GK5: variants seen among roughly 807,000 people sequenced by gnomAD.
The protein encoded by GK5 is glycerol kinase 5.
Under a neutral mutation model 77.3 loss-of-function variants are expected in GK5, and 39 were observed. That is an observed-to-expected ratio of 0.50 (90% CI 0.39 to 0.66). GK5 has a LOEUF of 0.66. Ranked by LOEUF, GK5 falls within the 30% of genes least tolerant of loss-of-function variation. GK5 has a pLI of 0.00. For missense variants in GK5, 487 were observed against 633.8 expected, an observed-to-expected ratio of 0.77 and a Z score of 2.49; for synonymous variants, 211 against 208.0, an observed-to-expected ratio of 1.01 and a Z score of -0.13.
chr3:142,190,261 AG>A (rs1450576741), intron 5 of GK5, among the ~76,000 whole-genome samples: 2 of 152,200 alleles, frequency 1.3e-5, no homozygotes, highest in African/African-American at 2.4e-5. Flanking sequence ...TTAGATATAC[AG>A]GGGATTCAGT....
In GK5 at chr3:142,186,472, C is replaced by T; in HGVS notation, c.661G>A (p.Gly221Arg). The T allele has an allele frequency of 6.4e-7, 1 of 1,555,740 alleles. No individual in the cohort carries two copies. Among genetic ancestry groups the T allele is most frequent in the South Asian group, 1.2e-5 (1 of 81,302 alleles). The part of the protein sequence containing the change: ...ATDFSNASTT[G>R]LFDPYKMCWS... ...TTTACCTTATATGGGTCAAAAAGTC[C>T]AGTTGTACTAGCATTTGAAAAATCT... The change falls in exon 7 of 16, where the codon GGA becomes AGA. Residue 221 changes from glycine (G) to arginine (R), a missense_variant. Gly to Arg is a moderately radical substitution (Grantham distance 125, BLOSUM62 -2). This residue lies in a region of GK5 where 323 missense variants were observed against 437.4 expected (regional missense o/e 0.74). Transcript: ENST00000392993.
chr3:142,220,888 A>C (rs980532712), intron 1 of GK5, among the ~76,000 whole-genome samples: 10 of 152,312 alleles, frequency 6.6e-5, no homozygotes, highest in Non-Finnish European at 1.3e-4. Context: ...AAGTCTTTAT[A>C]AGGAGCCCCA....
intron 5 of GK5, among the ~76,000 whole-genome samples, chr3:142,196,714 C>T (rs576742998): frequency 2.0e-5 from 3 of 152,212 alleles, no homozygotes; most frequent in South Asian, 2.1e-4. Context: ...TTTATTGAGG[C>T]TTGTAGTATG....
intron 9 of GK5, 80 bp downstream of exon 9, chr3:142,185,849 C>T (rs549104507): frequency 4.5e-6 from 7 of 1,555,650 alleles, no homozygotes; most frequent in Non-Finnish European, 4.4e-6. Context: ...TTCTGTTTCT[C>T]TTAAAGCTAG....
At chr3:142,192,759 G>A (rs1177148280) in intron 5 of GK5, among the ~76,000 whole-genome samples, 1 of 134,740 alleles carries the variant, frequency 7.4e-6, no homozygotes, top group African/African-American at 3.0e-5. Flanking sequence ...GTGAGACTCT[G>A]TCTCAAAAAA....
At chr3:142,222,305 C>A (rs1435191133) in intron 1 of GK5, among the ~76,000 whole-genome samples, 2 of 152,184 alleles carry the variant, frequency 1.3e-5, no homozygotes, top group East Asian at 1.9e-4. Context: ...GTGGCTCATG[C>A]CTGTAATCCC....
rs1485235223 is a variant in GK5, at chr3:142,163,036, A to T, written c.*2586T>A. 1 of 151,946 alleles carries T rather than the reference A, an allele frequency of 6.6e-6. No homozygotes were observed. 9.4% of individuals were successfully genotyped at this position (151,946 alleles called of 1,614,324 possible). A position where few individuals can be genotyped will look rare whatever the true frequency, so the allele number is the denominator to read the frequency against. On this transcript the variant is annotated 3_prime_UTR_variant, in exon 16 of 16. Transcript: ENST00000392993. ...AAAGAAAGGACAATTTTGTTGCTCA[A>T]TTGATCTTATCAACTGTTTCTGCAA...
At chr3:142,198,351 G>A (rs1442833467) in intron 5 of GK5, among the ~76,000 whole-genome samples, 2 of 151,972 alleles carry the variant, frequency 1.3e-5, no homozygotes, top group East Asian at 1.9e-4. Flanking sequence ...GGCGGCTCAC[G>A]CTTGTAATCC....
chr3:142,159,744 C>T lies in GK5; in HGVS notation c.*5878G>A, dbSNP rs777366066. 1.4e-4 allele frequency: 22 copies of T among 151,964 alleles called. No homozygotes were observed. Among genetic ancestry groups the T allele is most frequent in the Middle Eastern group, 3.4e-3 (1 of 290 alleles). The allele number at this position is 151,964 out of a possible 1,614,324, so 9.4% of individuals were successfully genotyped here. On this transcript the variant is annotated 3_prime_UTR_variant, in exon 16 of 16. Transcript: ENST00000392993. ...TTTAGATTACCCATTTTGACTGGTT[C>T]GAACCAGAAGACCTGGCTTTGGGTT...
chr3:142,186,909 A>G (rs2063781119), intron 6 of GK5, among the ~76,000 whole-genome samples: 1 of 151,886 alleles, frequency 6.6e-6, no homozygotes, highest in Admixed American at 6.6e-5. Context: ...GGGATTACAG[A>G]CGTAAACCAC....
rs951005086 is a variant in GK5, at chr3:142,158,275, A to C, written c.*7347T>G. On this transcript the variant is annotated 3_prime_UTR_variant, in exon 16 of 16. Transcript: ENST00000392993. ...CTTGTTTTTGTTTTTGCCAAGTTTC[A>C]CCATGTTGCCCAGGATATCCTCAAA... The C allele has an allele frequency of 6.6e-6, 1 of 151,846 alleles. No individual in the cohort carries two copies. The highest frequency in any genetic ancestry group is 2.4e-5 in the African/African-American group (1 of 41,290). 9.4% of individuals were successfully genotyped at this position (151,846 alleles called of 1,614,324 possible). A position where few individuals can be genotyped will look rare whatever the true frequency, so the allele number is the denominator to read the frequency against.
At chr3:142,187,101 C>T (rs2063783835) in intron 6 of GK5, among the ~76,000 whole-genome samples, 1 of 152,160 alleles carries the variant, frequency 6.6e-6, no homozygotes, top group East Asian at 1.9e-4. Context: ...GTTATACCCA[C>T]TAGCAAAATG....
chr3:142,180,053 AT>A (rs375518196), intron 11 of GK5, among the ~76,000 whole-genome samples: 26 of 152,224 alleles, frequency 1.7e-4, no homozygotes, highest in African/African-American at 5.8e-4. Context: ...TTTTCTTTAG[AT>A]TTTTTTCATT....
chr3:142,187,643 C>G (rs1233447791), intron 6 of GK5, 61 bp downstream of exon 6: 12 of 1,210,508 alleles, frequency 9.9e-6, no homozygotes, highest in Non-Finnish European at 1.4e-5. Flanking sequence ...TTTTTTTAGG[C>G]AAATCATTTC....
In GK5 at chr3:142,184,260, C is replaced by CAAAAAAAAAAAA. The variant is rs1161704184; in HGVS notation, c.817-1223_817-1212dup. ...TGGGCGACAGAGTGAGACTCTGTCT[C>CAAAAAAAAAAAA]AAAAAAAAAAAAAAAAAAAAAAAAA... On this transcript the variant is annotated intron_variant, in intron 9 of 15. Coordinates refer to ENST00000392993, the MANE Select transcript of GK5 (RefSeq NM_001039547.3). Among the ~76,000 whole-genome samples the CAAAAAAAAAAAA allele has an allele frequency of 3.5e-3, 37 of 10,656 alleles. 2 individuals are homozygous for CAAAAAAAAAAAA. The highest frequency in any genetic ancestry group is 5.8e-3 in the Admixed American group (5 of 862). The allele number at this position is 10,656 out of a possible 152,430, so 7.0% of individuals were successfully genotyped here. A position where few individuals can be genotyped will look rare whatever the true frequency, so the allele number is the denominator to read the frequency against.
At chr3:142,202,206 G>C (rs560996094) in intron 4 of GK5, among the ~76,000 whole-genome samples, 1 of 152,264 alleles carries the variant, frequency 6.6e-6, no homozygotes, top group African/African-American at 2.4e-5. Flanking sequence ...AAGGAGTTGG[G>C]ATTTTATGCT....
Position 142,170,349 on chromosome 3 carries a change from C to A in GK5, c.1417G>T (p.Ala473Ser), listed in dbSNP as rs764387685. 2 of 1,614,088 alleles carry A rather than the reference C, an allele frequency of 1.2e-6. No individual in the cohort carries two copies. The highest frequency in any genetic ancestry group is 1.7e-6 in the Non-Finnish European group (2 of 1,180,010). ...CCAACAGCAAGGCCAGCTAGAGAAGCTGCACCCAGGCATGACATGTCAATG... is the reference window on the plus strand; with the variant it reads ...CCAACAGCAAGGCCAGCTAGAGAAGATGCACCCAGGCATGACATGTCAATG... Reference protein sequence around the residue: ...ADIDMSCLGAASLAGLAVGFW... With the variant: ...ADIDMSCLGASSLAGLAVGFW... Residue 473 changes from alanine (A) to serine (S), a missense_variant, in exon 15 of 16, where the codon GCT (alanine) becomes TCT (serine). This residue lies in a region of GK5 where 65 missense variants were observed against 89.9 expected (regional missense o/e 0.72). Coordinates refer to ENST00000392993, the MANE Select transcript of GK5 (RefSeq NM_001039547.3).
At chr3:142,214,855 T>A (rs531095816) in intron 2 of GK5, among the ~76,000 whole-genome samples, 2 of 152,226 alleles carry the variant, frequency 1.3e-5, no homozygotes, top group Admixed American at 1.3e-4. Flanking sequence ...ACTCCTTTCC[T>A]ATGGTTCAGA....
chr3:142,185,885 T>C, intron 9 of GK5, 44 bp downstream of exon 9: 1 of 1,553,558 alleles, frequency 6.4e-7, no homozygotes, highest in Non-Finnish European at 8.8e-7. Context: ...CATATTACTT[T>C]AGTTTATACT....
Sources: gnomAD v4.1 joint callset for allele counts (sites outside exome capture counted in the v4.1 genomes callset) on GRCh38, gnomAD v4.1.1 for gene constraint, gnomAD v4.1.1 regional missense constraint, MANE v1.5 for transcripts, NCBI Gene and HGNC (gene_info 2026-07-23, HGNC 2026-07-21) for gene names.